Variants in RBFOX1 observed in about 807,000 individuals in gnomAD.
The protein encoded by RBFOX1 is RNA binding protein fox-1 homolog 1.
In RBFOX1, 8 loss-of-function variants were observed where a neutral mutation model predicts 57.7. The observed-to-expected ratio is 0.14, with a 90% confidence interval of 0.08 to 0.25. The LOEUF is 0.25. RBFOX1 is among the 10% of genes least tolerant of loss of function. The probability of loss-of-function intolerance (pLI) is 1.00; values close to 1 mark genes in which losing one functional copy is unlikely to be tolerated. For synonymous variants in RBFOX1, 326 were observed against 222.4 expected (o/e 1.47, Z -4.15); for missense variants, 611 against 548.5 (o/e 1.11, Z -1.14).
rs988770229 is a variant in RBFOX1, at chr16:5,843,502, A to G, written c.319-23801A>G. ...TATGGCTGCATAGTATTCCATGGAT[A>G]CATGGAACATTCCATATATGTTCCA... is the stretch of plus-strand genomic sequence containing the variant. On this transcript the variant is annotated intron_variant, in intron 3 of 19. Coordinates refer to the RBFOX1 transcript ENST00000641259. 3.9e-4 allele frequency among the ~76,000 whole-genome samples: 59 copies of G among 152,210 alleles called. 1 individual carries two copies. The highest frequency in any genetic ancestry group is 1.2e-3 in the African/African-American group (49 of 41,444).
At chr16:6,855,632 A>G (rs66515205) in intron 3 of RBFOX1, among the ~76,000 whole-genome samples, 78,495 of 146,302 alleles carry the variant, frequency 0.54, 23,273 homozygotes, top group African/African-American at 0.8. Context: ...CAGCCTGGGC[A>G]ACAGAGTGAG....
chr16:5,287,792 A>T (rs2063434276), intron 1 of RBFOX1, among the ~76,000 whole-genome samples: 1 of 152,218 alleles, frequency 6.6e-6, no homozygotes, highest in Non-Finnish European at 1.5e-5. Context: ...AGCTAGACAC[A>T]GGACTAAACC....
chr16:6,076,221 C>T (rs375470040), intron 1 of RBFOX1, among the ~76,000 whole-genome samples: 1 of 151,962 alleles, frequency 6.6e-6, no homozygotes, highest in South Asian at 2.1e-4. Context: ...ATTGCTTGAA[C>T]CCGGGAGGCG....
chr16:7,094,775 T>TGTGGGG (rs879519332), intron 4 of RBFOX1, among the ~76,000 whole-genome samples: 7 of 139,694 alleles, frequency 5.0e-5, no homozygotes, highest in Non-Finnish European at 8.0e-5. Context: ...TGTGTGTGTG[T>TGTGGGG]GGGTGTGTGT....
At chr16:5,268,899 A>G (rs1288955199) in intron 1 of RBFOX1, among the ~76,000 whole-genome samples, 14 of 149,818 alleles carry the variant, frequency 9.3e-5, no homozygotes, top group Non-Finnish European at 1.2e-4. Flanking sequence ...ATCCTAACCA[A>G]CACTTGTTAT....
At chr16:5,809,393 A>G (rs542337291) in intron 3 of RBFOX1, among the ~76,000 whole-genome samples, 2 of 152,102 alleles carry the variant, frequency 1.3e-5, no homozygotes, top group Admixed American at 1.3e-4. Flanking sequence ...GGCAGCCTAC[A>G]CAATGGGAGA....
intron 1 of RBFOX1, among the ~76,000 whole-genome samples, chr16:6,146,935 A>G (rs879561125): frequency 2.0e-5 from 3 of 152,110 alleles, no homozygotes; most frequent in Non-Finnish European, 4.4e-5. Flanking sequence ...GTGGCTCTTC[A>G]TGTTTATCTC....
intron 3 of RBFOX1, among the ~76,000 whole-genome samples, chr16:7,007,820 G>T (rs982194078): frequency 6.6e-6 from 1 of 152,190 alleles, no homozygotes; most frequent in Non-Finnish European, 1.5e-5. Flanking sequence ...GCACGCTCCT[G>T]TGCGTTTCTG....
chr16:6,103,355 GTTAAA>G (rs1567461755), intron 1 of RBFOX1, among the ~76,000 whole-genome samples: 1 of 152,146 alleles, frequency 6.6e-6, no homozygotes, highest in African/African-American at 2.4e-5. Flanking sequence ...TTTTGTGAAA[GTTAAA>G]TTAGATGACA....
chr16:7,123,700 G>C (rs1382250786), intron 4 of RBFOX1, among the ~76,000 whole-genome samples: 1 of 152,154 alleles, frequency 6.6e-6, no homozygotes, highest in East Asian at 1.9e-4. Flanking sequence ...TTAGGAGCTA[G>C]TTTAGGGGAA....
chr16:7,188,250 G>A (rs1450301737), intron 4 of RBFOX1, among the ~76,000 whole-genome samples: 2 of 152,170 alleles, frequency 1.3e-5, no homozygotes, highest in Admixed American at 6.5e-5. Context: ...AATAGTCCAT[G>A]GCTGCAGAGA....
intron 3 of RBFOX1, among the ~76,000 whole-genome samples, chr16:5,610,105 C>T (rs1340607678): frequency 6.6e-6 from 1 of 152,178 alleles, no homozygotes; most frequent in Non-Finnish European, 1.5e-5. Context: ...TGCTGTACCT[C>T]CTGCCACTGG....
chr16:5,522,553 A>C (rs991933043), intron 2 of RBFOX1, among the ~76,000 whole-genome samples: 5 of 152,216 alleles, frequency 3.3e-5, no homozygotes, highest in South Asian at 2.1e-4. Context: ...AAAATGTTCA[A>C]ATCCTCTCTT....
At chr16:7,298,839 TGAGGAGGAG>T (rs957604961) in intron 4 of RBFOX1, among the ~76,000 whole-genome samples, 1 of 151,972 alleles carries the variant, frequency 6.6e-6, no homozygotes, top group South Asian at 2.1e-4. Context: ...TGAGGTAGGC[TGAGGAGGAG>T]GAGGAGGACG....
intron 4 of RBFOX1, among the ~76,000 whole-genome samples, chr16:7,352,146 G>C (rs1457172982): frequency 6.6e-6 from 1 of 152,170 alleles, no homozygotes; most frequent in African/African-American, 2.4e-5. Context: ...ACATACTAAA[G>C]GATCTCTGCT....
chr16:6,864,458 C>T (rs1230229653), intron 3 of RBFOX1, among the ~76,000 whole-genome samples: 4 of 151,514 alleles, frequency 2.6e-5, no homozygotes, highest in Admixed American at 6.6e-5. Context: ...TCATCATGCC[C>T]GAAAAAGTAT....
At chr16:7,555,594 T>G (rs1200808351) in intron 5 of RBFOX1, among the ~76,000 whole-genome samples, 3 of 152,180 alleles carry the variant, frequency 2.0e-5, no homozygotes, top group African/African-American at 7.2e-5. Context: ...GTGACCTGTT[T>G]CTGTGCCCTC....
chr16:7,704,230 G>C (rs922739289), intron 14 of RBFOX1, among the ~76,000 whole-genome samples: 1 of 152,132 alleles, frequency 6.6e-6, no homozygotes, highest in Non-Finnish European at 1.5e-5. Context: ...TGTTGCTAAA[G>C]GTCAAAAAGA....
intron 4 of RBFOX1, among the ~76,000 whole-genome samples, chr16:7,078,957 C>A (rs977425340): frequency 6.7e-6 from 1 of 148,702 alleles, no homozygotes; most frequent in African/African-American, 2.5e-5. Context: ...ATCCACCCAC[C>A]TTGGCCTCCC....
Sources: gnomAD v4.1 joint callset for allele counts (sites outside exome capture counted in the v4.1 genomes callset) on GRCh38, gnomAD v4.1.1 for gene constraint, MANE v1.5 for transcripts, NCBI Gene and HGNC (gene_info 2026-07-23, HGNC 2026-07-21) for gene names.